CDH23: variants seen among roughly 807,000 people sequenced by gnomAD.
The protein encoded by CDH23 is cadherin related 23.
A neutral mutation model predicts 317.1 loss-of-function variants in CDH23; 189 were observed. The ratio of observed to expected loss-of-function variants is 0.60; its 90% CI spans 0.53 to 0.67. CDH23 has a LOEUF of 0.67. Among genes scored for constraint, CDH23 ranks in the 30% least tolerant of loss-of-function variants. CDH23 has a pLI of 0.00. For synonymous variants in CDH23, 1,839 were observed against 1,876.8 expected (o/e 0.98, Z 0.52); for missense variants, 4,401 against 4,592.4 (o/e 0.96, Z 1.20).
intron 3 of CDH23, chr10:71,509,871 T>A: frequency 3.4e-6 from 2 of 590,244 alleles, no homozygotes; most frequent in South Asian, 4.0e-5. Context: ...CCTGATACCA[T>A]CATGACACAC....
chr10:71,585,273 A>T (rs1473121578), intron 9 of CDH23, among the ~76,000 whole-genome samples: 1 of 152,192 alleles, frequency 6.6e-6, no homozygotes. Flanking sequence ...CCTAGGCAGA[A>T]AGGGGCATAT....
intron 38 of CDH23, among the ~76,000 whole-genome samples, chr10:71,768,948 G>A (rs1194873214): frequency 6.6e-6 from 1 of 152,172 alleles, no homozygotes; most frequent in Non-Finnish European, 1.5e-5. Context: ...CTGAACCCAG[G>A]TAGTCAGCCT....
chr10:71,462,471 G>T lies in CDH23; in HGVS notation c.145+16076G>T, dbSNP rs528514006. 9.8e-5 allele frequency among the ~76,000 whole-genome samples: 15 copies of T among 152,324 alleles called. No individual in the cohort carries two copies. In the South Asian group the frequency reaches 3.1e-3, roughly 32 times the overall value. The stretch of plus-strand genomic sequence containing the variant: ...TGGGGCTTCTGAAGCCAGTGAACCC[G>T]CTGTCCTCAAGAGTGAATGGTCAAG... On this transcript the variant is annotated intron_variant, in intron 3 of 69. Coordinates refer to ENST00000224721, the MANE Select transcript of CDH23 (RefSeq NM_022124.6).
intron 6 of CDH23, among the ~76,000 whole-genome samples, chr10:71,514,976 G>A (rs1395533630): frequency 3.3e-5 from 5 of 152,222 alleles, no homozygotes; most frequent in Non-Finnish European, 5.9e-5. Flanking sequence ...CGTTAGGGGC[G>A]CGTGCCCGCC....
chr10:71,433,821 C>A (rs1006554178), intron 1 of CDH23, among the ~76,000 whole-genome samples: 25 of 90,624 alleles, frequency 2.8e-4, no homozygotes, highest in African/African-American at 7.6e-4. Flanking sequence ...AGATCCCACA[C>A]CGCTCCCCTG....
At chr10:71,650,267 C>T (rs992953609) in intron 14 of CDH23, among the ~76,000 whole-genome samples, 5 of 152,160 alleles carry the variant, frequency 3.3e-5, no homozygotes, top group Admixed American at 3.3e-4. Flanking sequence ...CAGAGATATT[C>T]GAGCACTTTG....
At chr10:71,779,521 G>A in intron 41 of CDH23, 74 bp downstream of exon 41, 2 of 1,324,318 alleles carry the variant, frequency 1.5e-6, no homozygotes. Flanking sequence ...AAGAAGGGAG[G>A]TCTCAAGGCA....
At position 71,548,036 on chromosome 10, in the gene CDH23, C is replaced by T. The variant is rs561021994; in HGVS notation, c.430-18706C>T. On this transcript the variant is annotated intron_variant, in intron 6 of 69. Coordinates refer to ENST00000224721, the MANE Select transcript of CDH23 (RefSeq NM_022124.6). ...CAGCCTGCCTGGAGCCTGTCAGCTGCGTGGTGACGGAATGCATTTCTCTGC... is the reference window on the plus strand; with the variant it reads ...CAGCCTGCCTGGAGCCTGTCAGCTGTGTGGTGACGGAATGCATTTCTCTGC... 3.9e-5 allele frequency among the ~76,000 whole-genome samples: 6 copies of T among 152,274 alleles called. No individual in the cohort carries two copies. The South Asian group carries it at 6.2e-4, about 16-fold the overall frequency.
At chr10:71,596,579 G>T (rs566824357) in intron 9 of CDH23, among the ~76,000 whole-genome samples, 39 of 152,222 alleles carry the variant, frequency 2.6e-4, no homozygotes, top group Non-Finnish European at 5.0e-4. Flanking sequence ...GCCTTTATTC[G>T]GTCCACTGTA....
chr10:71,430,246 G>A (rs760014279), intron 1 of CDH23, among the ~76,000 whole-genome samples: 13 of 152,054 alleles, frequency 8.5e-5, no homozygotes, highest in Admixed American at 2.0e-4. Context: ...TGCCCAGCAG[G>A]GGCTGGGGAT....
rs74147373 is a variant in CDH23 at position 71,604,625 on chromosome 10, C to T, written c.833-10879C>T. 6.1e-3 allele frequency among the ~76,000 whole-genome samples: 936 copies of T among 152,352 alleles called. 10 individuals are homozygous for T. Among genetic ancestry groups the T allele is most frequent in the African/African-American group, 0.021 (893 of 41,580 alleles). ...CTCTCTGCTTCTCCTGCTGGCTCCCCACCTGGGAAGCCATGGTCCCACCTC... is the reference window on the plus strand; with the variant it reads ...CTCTCTGCTTCTCCTGCTGGCTCCCTACCTGGGAAGCCATGGTCCCACCTC... On this transcript the variant is annotated intron_variant, in intron 9 of 69. Transcript: ENST00000224721.
intron 3 of CDH23, among the ~76,000 whole-genome samples, chr10:71,453,762 C>T (rs1850559242): frequency 6.6e-6 from 1 of 152,212 alleles, no homozygotes; most frequent in East Asian, 1.9e-4. Context: ...CAGAGCTGTC[C>T]CACAGCGAGG....
At chr10:71,403,665 C>T (rs557173193) in intron 1 of CDH23, among the ~76,000 whole-genome samples, 171 of 151,600 alleles carry the variant, frequency 1.1e-3, no homozygotes, top group Non-Finnish European at 1.9e-3. Context: ...TACAGGTGCA[C>T]ACCACCACGC....
intron 14 of CDH23, among the ~76,000 whole-genome samples, chr10:71,647,306 T>C (rs1012719693): frequency 6.6e-6 from 1 of 152,024 alleles, no homozygotes; most frequent in Non-Finnish European, 1.5e-5. Context: ...CTACTAAAAA[T>C]ACAAAAATTA....
At chr10:71,812,441 C>T (rs773270005) in intron 66 of CDH23, 39 bp from the exon 67 acceptor site, 29 of 1,594,094 alleles carry the variant, frequency 1.8e-5, no homozygotes, top group Admixed American at 3.3e-5. Flanking sequence ...CTACTCGAGC[C>T]TTCCCTCCCT....
intron 6 of CDH23, among the ~76,000 whole-genome samples, chr10:71,566,339 T>G (rs1222360426): frequency 1.3e-5 from 2 of 151,818 alleles, no homozygotes; most frequent in African/African-American, 4.8e-5. Flanking sequence ...CTGTGTTAAG[T>G]GCATGGTCTG....
At chr10:71,687,816 G>A (rs887378435) in intron 19 of CDH23, 97 bp downstream of exon 19, 3 of 1,151,360 alleles carry the variant, frequency 2.6e-6, no homozygotes, top group Admixed American at 1.9e-5. Context: ...CACACAAATT[G>A]TGGGAGGTCC....
intron 22 of CDH23, among the ~76,000 whole-genome samples, chr10:71,697,802 A>C (rs1023041015): frequency 1.3e-5 from 2 of 152,160 alleles, no homozygotes; most frequent in African/African-American, 4.8e-5. Flanking sequence ...CAAAACCCGC[A>C]GGGTCTGCCC....
chr10:71,514,166 G>A (rs1002940103), intron 6 of CDH23, among the ~76,000 whole-genome samples: 30 of 152,228 alleles, frequency 2.0e-4, no homozygotes, highest in African/African-American at 4.6e-4. Flanking sequence ...CTAGCACTGC[G>A]TGTTGGGGAA....
Sources: allele counts gnomAD v4.1 joint callset (sites outside exome capture counted in the v4.1 genomes callset), GRCh38; gene constraint gnomAD v4.1.1; transcripts MANE v1.5; gene names NCBI Gene and HGNC (gene_info 2026-07-23, HGNC 2026-07-21).